TC2N: variants seen among roughly 807,000 people sequenced by gnomAD.
TC2N encodes the protein tandem C2 domains, nuclear.
TC2N carries 51 observed loss-of-function variants against 61.9 expected under a neutral mutation model. That is an observed-to-expected ratio of 0.82 (90% CI 0.66 to 1.04). The LOEUF is 1.04. Among genes scored for constraint, TC2N ranks in the 50% least tolerant of loss-of-function variants. The probability of loss-of-function intolerance (pLI) is 0.00; values close to 1 mark genes in which losing one functional copy is unlikely to be tolerated. For synonymous variants in TC2N, 204 were observed against 192.6 expected (o/e 1.06, Z -0.49); for missense variants, 556 against 566.7 (o/e 0.98, Z 0.19).
At chr14:91,814,165 A>C (rs746173450) in intron 1 of TC2N, among the ~76,000 whole-genome samples, 3 of 151,360 alleles carry the variant, frequency 2.0e-5, no homozygotes, top group Non-Finnish European at 3.0e-5. Context: ...AGAGAGAGAG[A>C]GAGAGAAGGG....
At chr14:91,789,074 A>AT (rs1007833796) in intron 9 of TC2N, among the ~76,000 whole-genome samples, 73 of 152,268 alleles carry the variant, frequency 4.8e-4, no homozygotes, top group African/African-American at 1.7e-3. Flanking sequence ...TCATGGTTAA[A>AT]TTTTTTTATT....
Position 91,800,524 on chromosome 14 carries a change from T to C in TC2N, c.470-152A>G, listed in dbSNP as rs181061126. The stretch of plus-strand genomic sequence containing the variant: ...CCTTCTAATAAAAATTTTTTAAACT[T>C]AAAAAAATTTTTTTCAGTTATTTTA... On this transcript the variant is annotated intron_variant, in intron 4 of 11. Transcript: ENST00000435962. 4.3e-3 allele frequency: 1,833 copies of C among 421,454 alleles called. 10 individuals are homozygous for C. The highest frequency in any genetic ancestry group is 5.8e-3 in the Non-Finnish European group (1,378 of 235,956). 26.1% of individuals were successfully genotyped at this position (421,454 alleles called of 1,614,324 possible). A position where few individuals can be genotyped will look rare whatever the true frequency, so the allele number is the denominator to read the frequency against.
At chr14:91,818,897 A>G (rs560408783) in intron 1 of TC2N, among the ~76,000 whole-genome samples, 2 of 152,152 alleles carry the variant, frequency 1.3e-5, no homozygotes, top group Non-Finnish European at 2.9e-5. Flanking sequence ...GACAATTTCA[A>G]GTGACCCAAA....
intron 3 of TC2N, among the ~76,000 whole-genome samples, chr14:91,806,062 T>C (rs1381861824): frequency 6.6e-6 from 1 of 152,106 alleles, no homozygotes; most frequent in Non-Finnish European, 1.5e-5. Context: ...AGAGATCTGA[T>C]GGTTTTTTTA....
chr14:91,796,835 C>T (rs141682081), intron 8 of TC2N, among the ~76,000 whole-genome samples: 2 of 152,208 alleles, frequency 1.3e-5, no homozygotes, highest in Non-Finnish European at 2.9e-5. Flanking sequence ...GTTTGTGGTA[C>T]AGTACTGTTA....
At chr14:91,842,434 A>G (rs1244406103) in intron 1 of TC2N, among the ~76,000 whole-genome samples, 3 of 152,202 alleles carry the variant, frequency 2.0e-5, no homozygotes, top group African/African-American at 4.8e-5. Context: ...TACATAATAG[A>G]ACAACTGACT....
chr14:91,804,573 C>A (rs1208595186), intron 3 of TC2N, among the ~76,000 whole-genome samples: 1 of 152,074 alleles, frequency 6.6e-6, no homozygotes, highest in African/African-American at 2.4e-5. Flanking sequence ...ACTTACTGTA[C>A]AGATACAAAA....
At chr14:91,798,136 T>A (rs2139839620) in intron 7 of TC2N, among the ~76,000 whole-genome samples, 163 bp downstream of exon 7, 1 of 152,124 alleles carries the variant, frequency 6.6e-6, no homozygotes, top group African/African-American at 2.4e-5. Context: ...CAGATTTTTT[T>A]CTTAGATGCC....
At chr14:91,865,033 G>A (rs931690253) in intron 1 of TC2N, among the ~76,000 whole-genome samples, 1 of 151,756 alleles carries the variant, frequency 6.6e-6, no homozygotes, top group Non-Finnish European at 1.5e-5. Flanking sequence ...GCCCACTTCG[G>A]CCTCCCAGAT....
At position 91,798,408 on chromosome 14, in the gene TC2N, TA is replaced by T; in HGVS notation, c.638-10del. On this transcript the variant is annotated splice_polypyrimidine_tract_variant and intron_variant, in intron 6 of 11. Transcript: ENST00000435962. ...TGATAGAGTAATTGTATCTGAATTATAAAAGGACAAAGATGTTTCAAATGCC... is the reference window on the plus strand; with the variant it reads ...TGATAGAGTAATTGTATCTGAATTATAAAGGACAAAGATGTTTCAAATGCC... 6.9e-7 allele frequency: 1 copy of T among 1,454,430 alleles called. No individual in the cohort carries two copies. Among genetic ancestry groups the T allele is most frequent in the South Asian group, 1.2e-5 (1 of 83,160 alleles). The allele number at this position is 1,454,430 out of a possible 1,614,324, so 90.1% of individuals were successfully genotyped here.
intron 1 of TC2N, among the ~76,000 whole-genome samples, chr14:91,859,270 G>A (rs766007326): frequency 6.6e-6 from 1 of 151,968 alleles, no homozygotes; most frequent in Non-Finnish European, 1.5e-5. Flanking sequence ...GCATTTAACT[G>A]TATGTAAATC....
chr14:91,811,276 T>A (rs528937762), intron 3 of TC2N, among the ~76,000 whole-genome samples: 3 of 152,124 alleles, frequency 2.0e-5, no homozygotes, highest in Admixed American at 6.6e-5. Flanking sequence ...AATGGATAGG[T>A]AGACAGATAT....
intron 5 of TC2N, among the ~76,000 whole-genome samples, chr14:91,799,940 T>C (rs913844738): frequency 1.3e-5 from 2 of 152,112 alleles, no homozygotes; most frequent in African/African-American, 2.4e-5. Flanking sequence ...AAAAGAAATA[T>C]AATTTTTAAA....
At chr14:91,808,409 G>A (rs1886616613) in intron 3 of TC2N, among the ~76,000 whole-genome samples, 1 of 152,116 alleles carries the variant, frequency 6.6e-6, no homozygotes, top group Admixed American at 6.5e-5. Context: ...ACATTTCTCA[G>A]AACATATCGC....
chr14:91,850,311 C>T (rs1888348964), intron 1 of TC2N, among the ~76,000 whole-genome samples: 1 of 152,018 alleles, frequency 6.6e-6, no homozygotes, highest in African/African-American at 2.4e-5. Context: ...TACTTTAAAG[C>T]CTAGGACAGT....
intron 2 of TC2N, 98 bp downstream of exon 2, chr14:91,813,605 C>T: frequency 1.2e-6 from 1 of 805,418 alleles, no homozygotes; most frequent in Non-Finnish European, 2.1e-6. Flanking sequence ...TCTGCCTCCC[C>T]TAAGAAGTTG....
At position 91,792,571 on chromosome 14, in the gene TC2N, A is replaced by C. The variant is rs1885714576; in HGVS notation, c.856-13T>G. ...TAAATTCAATAGCCTTAAAAAAAAA[A>C]CAAGAAAACATAAAATATATAAATA... On this transcript the variant is annotated splice_polypyrimidine_tract_variant and intron_variant, in intron 8 of 11. Transcript: ENST00000435962. 1.2e-5 allele frequency: 16 copies of C among 1,348,062 alleles called. No individual in the cohort carries two copies. Among genetic ancestry groups the C allele is most frequent in the Admixed American group, 2.2e-5 (1 of 45,320 alleles). 83.5% of individuals were successfully genotyped at this position (1,348,062 alleles called of 1,614,324 possible).
At chr14:91,819,374 A>C (rs918863816) in intron 1 of TC2N, among the ~76,000 whole-genome samples, 1 of 152,118 alleles carries the variant, frequency 6.6e-6, no homozygotes, top group Non-Finnish European at 1.5e-5. Flanking sequence ...CATAGCTCTC[A>C]ATGGAAACAA....
Position 91,780,760 on chromosome 14 carries a change from T to C in TC2N, c.*2340A>G, listed in dbSNP as rs952816019. On this transcript the variant is annotated 3_prime_UTR_variant, in exon 12 of 12. Transcript: ENST00000435962. ...TATTTTGGCATAGAATCTCATTTTT[T>C]ACTACCAGCTCCTAACGTTTTTCTC... The C allele has an allele frequency of 6.6e-6, 1 of 152,204 alleles. No homozygotes were observed. The highest frequency in any genetic ancestry group is 2.4e-5 in the African/African-American group (1 of 41,452). The allele number at this position is 152,204 out of a possible 1,614,324, so 9.4% of individuals were successfully genotyped here.
Sources: gnomAD v4.1 joint callset for allele counts (sites outside exome capture counted in the v4.1 genomes callset) on GRCh38, gnomAD v4.1.1 for gene constraint, MANE v1.5 for transcripts, NCBI Gene and HGNC (gene_info 2026-07-23, HGNC 2026-07-21) for gene names.